The following GPC3 variants were observed in gnomAD, a reference collection of about 807,000 sequenced individuals.
GPC3 encodes glypican 3, also known as glypican-3.
A neutral mutation model predicts 34.4 loss-of-function variants in GPC3; 3 were observed. That is an observed-to-expected ratio of 0.09 (90% CI 0.04 to 0.23). The LOEUF is 0.23. GPC3 is among the 10% of genes least tolerant of loss of function. GPC3 has a pLI of 1.00. For synonymous variants in GPC3, 177 were observed against 174.0 expected, an observed-to-expected ratio of 1.02 and a Z score of -0.13; for missense variants, 351 against 445.6, an observed-to-expected ratio of 0.79 and a Z score of 1.91.
intron 2 of GPC3, among the ~76,000 whole-genome samples, chrX:133,850,940 C>CAAAAAAA (rs10710959): frequency 1.2e-4 from 11 of 95,166 alleles, no homozygotes; most frequent in South Asian, 4.9e-4. Flanking sequence ...ACTAAAAATA[C>CAAAAAAA]AAAAAAAAAA....
chrX:133,903,865 G>A (rs1206129231), intron 2 of GPC3, among the ~76,000 whole-genome samples: 1 of 111,296 alleles, frequency 9.0e-6, no homozygotes, highest in Non-Finnish European at 1.9e-5. Flanking sequence ...GATGTACTGA[G>A]CAGAAATAGC....
At chrX:133,618,103 GAAAT>G (rs2070186828) in intron 6 of GPC3, among the ~76,000 whole-genome samples, 1 of 111,850 alleles carries the variant, frequency 8.9e-6, no homozygotes, top group African/African-American at 3.3e-5. Context: ...TTGTAGTTTT[GAAAT>G]AAATAAATTT....
intron 2 of GPC3, among the ~76,000 whole-genome samples, chrX:133,895,164 C>T (rs2124593794): frequency 8.9e-6 from 1 of 112,063 alleles, no homozygotes; most frequent in South Asian, 3.8e-4. Context: ...TTCACTCCAG[C>T]TACAACTGTG....
At chrX:133,578,976 C>T (rs1254347900) in intron 7 of GPC3, among the ~76,000 whole-genome samples, 2 of 110,758 alleles carry the variant, frequency 1.8e-5, no homozygotes. Flanking sequence ...CAGAGAAGGC[C>T]CTCATGATGT....
chrX:133,838,800 C>T (rs772301713), intron 2 of GPC3, among the ~76,000 whole-genome samples: 34 of 112,060 alleles, frequency 3.0e-4, no homozygotes, highest in Non-Finnish European at 6.0e-4. Context: ...CATCTACCCA[C>T]TTTCTGCAAA....
intron 2 of GPC3, among the ~76,000 whole-genome samples, chrX:133,795,995 G>T (rs745381609): frequency 4.0e-5 from 4 of 100,194 alleles, no homozygotes; most frequent in Admixed American, 3.3e-4. Context: ...CCCCAGGCTG[G>T]AGTGCAGTGG....
intron 2 of GPC3, among the ~76,000 whole-genome samples, chrX:133,859,218 T>C (rs1224104693): frequency 9.0e-6 from 1 of 111,118 alleles, no homozygotes; most frequent in African/African-American, 3.3e-5. Flanking sequence ...AGTTCCCAAA[T>C]GTGTTAACCA....
intron 7 of GPC3, among the ~76,000 whole-genome samples, chrX:133,557,446 T>C (rs2069500303): frequency 9.0e-6 from 1 of 110,940 alleles, no homozygotes; most frequent in Admixed American, 9.6e-5. Context: ...GACTTGGCAA[T>C]AGAGTGCTTT....
intron 3 of GPC3, among the ~76,000 whole-genome samples, chrX:133,753,009 A>C (rs758075055): frequency 8.9e-6 from 1 of 111,927 alleles, no homozygotes; most frequent in South Asian, 3.8e-4. Context: ...TTGCAATTTC[A>C]CTTAAGCTTC....
chrX:133,672,546 C>T (rs1423840631), intron 5 of GPC3, among the ~76,000 whole-genome samples: 1 of 112,125 alleles, frequency 8.9e-6, no homozygotes, highest in Non-Finnish European at 1.9e-5. Flanking sequence ...TTCAATCACC[C>T]CAAACTCGTT....
intron 2 of GPC3, among the ~76,000 whole-genome samples, chrX:133,923,711 C>T (rs1231369148): frequency 2.7e-5 from 3 of 112,496 alleles, no homozygotes; most frequent in East Asian, 5.6e-4. Context: ...GCTTCTCAGC[C>T]CTAGGCTCGG....
intron 5 of GPC3, among the ~76,000 whole-genome samples, chrX:133,663,544 G>A (rs986344791): frequency 5.4e-5 from 6 of 111,442 alleles, no homozygotes; most frequent in Admixed American, 2.8e-4. Context: ...GAGCCACGGT[G>A]CCCAGCACTT....
intron 7 of GPC3, among the ~76,000 whole-genome samples, chrX:133,583,091 G>T (rs1388477380): frequency 8.9e-6 from 1 of 111,760 alleles, no homozygotes; most frequent in African/African-American, 3.3e-5. Context: ...AATAGTTGCA[G>T]AAAATCATAA....
At chrX:133,804,789 A>AT (rs375270072) in intron 2 of GPC3, among the ~76,000 whole-genome samples, 219 of 110,954 alleles carry the variant, frequency 2.0e-3, no homozygotes, top group African/African-American at 6.5e-3. Context: ...CACACTACAT[A>AT]TTTTTTTTAT....
At chrX:133,812,684 C>T (rs1490362257) in intron 2 of GPC3, among the ~76,000 whole-genome samples, 1 of 112,206 alleles carries the variant, frequency 8.9e-6, no homozygotes, top group Non-Finnish European at 1.9e-5. Flanking sequence ...AATATGTGTG[C>T]CTGTTTTCTT....
chrX:133,655,197 T>A (rs2070643982), intron 6 of GPC3, among the ~76,000 whole-genome samples: 1 of 111,613 alleles, frequency 9.0e-6, no homozygotes, highest in African/African-American at 3.3e-5. Flanking sequence ...GTTATTAAAC[T>A]GTATATAGTA....
chrX:133,553,944 C>A (rs2069460404), intron 7 of GPC3, among the ~76,000 whole-genome samples: 1 of 111,117 alleles, frequency 9.0e-6, no homozygotes, highest in South Asian at 3.8e-4. Context: ...TCAATGGATT[C>A]TTTTCAGGGT....
chrX:133,958,996 C>T (rs1262880534), intron 1 of GPC3, among the ~76,000 whole-genome samples: 1 of 111,836 alleles, frequency 8.9e-6, no homozygotes, highest in Non-Finnish European at 1.9e-5. Context: ...CAACTTCTCG[C>T]ACATTGGGTC....
At position 133,648,684 on chromosome X, in the gene GPC3, T is replaced by C. The variant is rs780153895; in HGVS notation, c.1413+13046A>G. ...CCCAAATTTTTTACCACCTTTTCCA[T>C]CTCATCTTTCACTGTCCACGTCCTC... On this transcript the variant is annotated intron_variant, in intron 6 of 7. Coordinates refer to ENST00000370818, the MANE Select transcript of GPC3 (RefSeq NM_004484.4). Among the ~76,000 whole-genome samples the C allele has an allele frequency of 1.3e-3, 148 of 111,551 alleles. 5 individuals are homozygous for C. Among genetic ancestry groups the C allele is most frequent in the Admixed American group, 8.6e-4 (9 of 10,502 alleles).
Sources: allele counts gnomAD v4.1 joint callset (sites outside exome capture counted in the v4.1 genomes callset), GRCh38; gene constraint gnomAD v4.1.1; transcripts MANE v1.5; gene names NCBI Gene and HGNC (gene_info 2026-07-23, HGNC 2026-07-21).